The following CD226 variants were observed in gnomAD, a reference collection of about 807,000 sequenced individuals.
CD226 encodes CD226 molecule.
In CD226, 24 loss-of-function variants were observed where a neutral mutation model predicts 34.9. The observed-to-expected ratio is 0.69, with a 90% CI of 0.50 to 0.97. CD226 has a LOEUF of 0.97. CD226 is among the 50% of genes least tolerant of loss of function. The probability of loss-of-function intolerance (pLI) is 0.00; values close to 1 mark genes in which losing one functional copy is unlikely to be tolerated. For synonymous variants in CD226, 148 were observed against 147.4 expected (o/e 1.00, Z -0.03); for missense variants, 397 against 412.7 (o/e 0.96, Z 0.33).
At chr18:69,926,518 G>C (rs2055523863) in intron 2 of CD226, among the ~76,000 whole-genome samples, 1 of 152,126 alleles carries the variant, frequency 6.6e-6, no homozygotes, top group African/African-American at 2.4e-5. Context: ...GAGGAGGGCA[G>C]GAGCTATAAT....
chr18:69,873,753 C>A (rs1983692688), intron 3 of CD226, among the ~76,000 whole-genome samples: 1 of 152,084 alleles, frequency 6.6e-6, no homozygotes, highest in South Asian at 2.1e-4. Flanking sequence ...TGCCTATAAT[C>A]CCAGCTACTC....
At chr18:69,921,362 G>A (rs2055448541) in intron 2 of CD226, among the ~76,000 whole-genome samples, 1 of 152,054 alleles carries the variant, frequency 6.6e-6, no homozygotes, top group Non-Finnish European at 1.5e-5. Context: ...TCCTCGCATG[G>A]GATCATCTGG....
chr18:69,889,479 G>T (rs913287870), intron 3 of CD226, among the ~76,000 whole-genome samples: 2 of 54,482 alleles, frequency 3.7e-5, no homozygotes, highest in Non-Finnish European at 8.0e-5. Flanking sequence ...CTGGATTAAT[G>T]GAATCCTTAA....
chr18:69,940,972 G>C (rs1165488214), intron 2 of CD226, among the ~76,000 whole-genome samples: 1 of 152,170 alleles, frequency 6.6e-6, no homozygotes, highest in Admixed American at 6.5e-5. Context: ...GACTGCATAT[G>C]GTGCCCTATG....
chr18:69,876,949 C>T (rs543876964), intron 3 of CD226, among the ~76,000 whole-genome samples: 2 of 149,838 alleles, frequency 1.3e-5, no homozygotes, highest in South Asian at 2.1e-4. Flanking sequence ...CTGCAATCTC[C>T]GCCTCCCAGG....
chr18:69,954,595 C>G (rs1256810193), intron 1 of CD226, among the ~76,000 whole-genome samples: 1 of 151,848 alleles, frequency 6.6e-6, no homozygotes, highest in Non-Finnish European at 1.5e-5. Context: ...CCAAAGTGAA[C>G]TTCCTCACCC....
intron 3 of CD226, among the ~76,000 whole-genome samples, chr18:69,889,987 G>T (rs1463261884): frequency 6.6e-6 from 1 of 152,158 alleles, no homozygotes; most frequent in Non-Finnish European, 1.5e-5. Flanking sequence ...CTATCTGAAA[G>T]TTATATATGT....
chr18:69,867,708 G>A (rs765373868), intron 4 of CD226, among the ~76,000 whole-genome samples: 5 of 152,070 alleles, frequency 3.3e-5, no homozygotes, highest in African/African-American at 4.8e-5. Flanking sequence ...TTACATAAAT[G>A]ACTTATAGCT....
intron 1 of CD226, 143 bp downstream of exon 1, chr18:69,947,218 G>A (rs995037972): frequency 2.2e-6 from 2 of 918,960 alleles, no homozygotes; most frequent in Admixed American, 2.7e-5. Context: ...GCTGATAATT[G>A]GAAAATGTAA....
intron 1 of CD226, among the ~76,000 whole-genome samples, chr18:69,956,429 C>T (rs1418211831): frequency 6.6e-6 from 1 of 152,204 alleles, no homozygotes; most frequent in Non-Finnish European, 1.5e-5. Context: ...AAGATTTAAG[C>T]TTGACAGACC....
intron 4 of CD226, 130 bp from the exon 5 acceptor site, chr18:69,867,541 C>A (rs184669991): frequency 8.4e-5 from 50 of 597,304 alleles, no homozygotes; most frequent in Middle Eastern, 5.3e-4. Flanking sequence ...GCTTTATGCA[C>A]ATTTATCCAA....
At chr18:69,873,481 T>C (rs1405254839) in intron 3 of CD226, among the ~76,000 whole-genome samples, 3 of 149,360 alleles carry the variant, frequency 2.0e-5, no homozygotes, top group African/African-American at 4.9e-5. Flanking sequence ...TTTTACACAT[T>C]ACAAAAAAAA....
rs1568147486 is a variant in CD226 at position 69,855,415 on chromosome 18, G to A, written c.*8899C>T. On this transcript the variant is annotated 3_prime_UTR_variant, in exon 6 of 6. Coordinates refer to ENST00000582621, the MANE Select transcript of CD226 (RefSeq NM_001303618.2). ...CAGTTGACTTGGAACCCCGAAGGAAGAATGAATGACTTTGAAGCTAGGCCA... is the reference window on the plus strand; with the variant it reads ...CAGTTGACTTGGAACCCCGAAGGAAAAATGAATGACTTTGAAGCTAGGCCA... 6.6e-6 allele frequency: 1 copy of A among 152,200 alleles called. No individual in the cohort carries two copies. Among genetic ancestry groups the A allele is most frequent in the East Asian group, 1.9e-4 (1 of 5,204 alleles). The allele number at this position is 152,200 out of a possible 1,614,324, so 9.4% of individuals were successfully genotyped here. A position where few individuals can be genotyped will look rare whatever the true frequency, so the allele number is the denominator to read the frequency against.
chr18:69,952,788 T>G (rs2055865314), upstream of CD226, among the ~76,000 whole-genome samples: 1 of 152,212 alleles, frequency 6.6e-6, no homozygotes, highest in Non-Finnish European at 1.5e-5. Context: ...CAAAGGACAT[T>G]TTCAAGAAAG....
At chr18:69,915,911 A>G (rs866338942) in intron 2 of CD226, among the ~76,000 whole-genome samples, 1 of 152,198 alleles carries the variant, frequency 6.6e-6, no homozygotes, top group South Asian at 2.1e-4. Flanking sequence ...GGGGATCAGA[A>G]TCAAATCACA....
chr18:69,896,203 A>G, intron 2 of CD226, 158 bp from the exon 3 acceptor site: 5 of 875,584 alleles, frequency 5.7e-6, no homozygotes, highest in Non-Finnish European at 6.8e-6. Flanking sequence ...TTTTCCTGAG[A>G]CGGAGTCTTG....
intron 3 of CD226, among the ~76,000 whole-genome samples, chr18:69,887,350 AAG>A (rs1984620466): frequency 6.6e-6 from 1 of 152,108 alleles, no homozygotes; most frequent in African/African-American, 2.4e-5. Flanking sequence ...CACAAATTAA[AAG>A]AGTGAATAAT....
chr18:69,935,701 C>G (rs368314721), intron 2 of CD226, among the ~76,000 whole-genome samples: 1 of 152,108 alleles, frequency 6.6e-6, no homozygotes. Flanking sequence ...GAGGAAAAAC[C>G]AAGAACTGTG....
At chr18:69,887,091 T>C (rs897881866) in intron 3 of CD226, among the ~76,000 whole-genome samples, 2 of 152,218 alleles carry the variant, frequency 1.3e-5, no homozygotes, top group Admixed American at 1.3e-4. Context: ...TCAAAACTGA[T>C]ACCTTTATCT....
Sources: allele counts gnomAD v4.1 joint callset (sites outside exome capture counted in the v4.1 genomes callset), GRCh38; gene constraint gnomAD v4.1.1; transcripts MANE v1.5; gene names NCBI Gene and HGNC (gene_info 2026-07-23, HGNC 2026-07-21).